FRYL: variants seen among roughly 807,000 people sequenced by gnomAD.
The protein encoded by FRYL is FRY like transcription coactivator.
Under a neutral mutation model 351.2 loss-of-function variants are expected in FRYL, and 150 were observed. That is an observed-to-expected ratio of 0.43 (90% confidence interval 0.37 to 0.49). FRYL has a LOEUF of 0.49. Ranked by LOEUF, FRYL falls within the 20% of genes least tolerant of loss-of-function variation. The pLI is 0.00. For synonymous variants in FRYL, 1,153 were observed against 1,257.1 expected (o/e 0.92, Z 1.75); for missense variants, 3,036 against 3,619.3 (o/e 0.84, Z 4.13).
At chr4:48,660,537 C>T (rs1760483605) in intron 3 of FRYL, among the ~76,000 whole-genome samples, 1 of 152,190 alleles carries the variant, frequency 6.6e-6, no homozygotes, top group African/African-American at 2.4e-5. Flanking sequence ...ACATGAATAG[C>T]TCCAATAAAA....
At chr4:48,774,349 A>C (rs1775805083) in intron 1 of FRYL, among the ~76,000 whole-genome samples, 1 of 152,154 alleles carries the variant, frequency 6.6e-6, no homozygotes, top group African/African-American at 2.4e-5. Flanking sequence ...GTCAAATTCC[A>C]CAGGAACTAC....
At chr4:48,646,805 T>C (rs1756570113) in intron 3 of FRYL, among the ~76,000 whole-genome samples, 1 of 152,050 alleles carries the variant, frequency 6.6e-6, no homozygotes, top group Non-Finnish European at 1.5e-5. Flanking sequence ...AATACCAGCA[T>C]TGTTGGAGGT....
chr4:48,754,459 T>C (rs1022506736), intron 1 of FRYL, among the ~76,000 whole-genome samples: 1 of 152,126 alleles, frequency 6.6e-6, no homozygotes, highest in Non-Finnish European at 1.5e-5. Context: ...CATATACAAG[T>C]GTTTGTTTGA....
At chr4:48,553,486 G>A (rs1011463331) in intron 35 of FRYL, 103 bp from the exon 36 acceptor site, 1 of 729,986 alleles carries the variant, frequency 1.4e-6, no homozygotes, top group African/African-American at 1.8e-5. Context: ...TTAAGTGGTA[G>A]ATGAATAAAC....
chr4:48,551,010 T>G (rs576998042), intron 37 of FRYL, among the ~76,000 whole-genome samples: 13 of 151,822 alleles, frequency 8.6e-5, no homozygotes, highest in African/African-American at 2.7e-4. Context: ...AGGCAGAGGT[T>G]GAGCTGAGAT....
intron 1 of FRYL, among the ~76,000 whole-genome samples, chr4:48,764,695 G>A (rs1217320182): frequency 2.0e-5 from 3 of 152,118 alleles, no homozygotes; most frequent in South Asian, 2.1e-4. Flanking sequence ...GAAAGAAATT[G>A]AAGGTGACAC....
intron 13 of FRYL, chr4:48,598,851 C>T: frequency 1.0e-6 from 1 of 984,964 alleles, no homozygotes; most frequent in African/African-American, 1.7e-5. Flanking sequence ...TATTTGTTTT[C>T]TGATACTGTT....
rs1325534516 is a variant in FRYL at position 48,510,110 on chromosome 4, C to T, written c.8343G>A (p.Glu2781=). 1 of 1,613,622 alleles carries T rather than the reference C, an allele frequency of 6.2e-7. No homozygotes were observed. The highest frequency in any genetic ancestry group is 8.5e-7 in the Non-Finnish European group (1 of 1,179,706). The part of the protein sequence containing the change: ...LLETLKFGVL[E]LQEHLDTYNV... ...TGTATGTATCCAGGTGTTCTTGCAACTCCAAAACACCAAACTTGAGTGTTT... is the reference window on the plus strand; with the variant it reads ...TGTATGTATCCAGGTGTTCTTGCAATTCCAAAACACCAAACTTGAGTGTTT... The change falls in exon 59 of 64, where the codon GAG becomes GAA. Residue 2781 remains glutamate, a synonymous_variant. Coordinates refer to ENST00000358350, the MANE Select transcript of FRYL (RefSeq NM_015030.2).
At chr4:48,506,323 C>T (rs1720911211) in intron 59 of FRYL, 1 of 151,514 alleles carries the variant, frequency 6.6e-6, no homozygotes, top group Non-Finnish European at 1.5e-5. Flanking sequence ...TGCTAGAGGG[C>T]AGGAGTTCAA....
At chr4:48,610,776 CAA>C (rs1747997981) in intron 7 of FRYL, among the ~76,000 whole-genome samples, 2 of 142,552 alleles carry the variant, frequency 1.4e-5, no homozygotes, top group South Asian at 4.4e-4. Flanking sequence ...TATATATGTT[CAA>C]TATATTGTAT....
At position 48,551,515 on chromosome 4, in the gene FRYL, A is replaced by G. The variant is rs1314611507; in HGVS notation, c.4499T>C (p.Ile1500Thr). 5 of 1,608,876 alleles carry G rather than the reference A, an allele frequency of 3.1e-6. No individual in the cohort carries two copies. In the Admixed American group the frequency reaches 5.0e-5, roughly 16 times the overall value. ...TTACCTCTCTTCAATATTCTCTTTA[A>G]TGGGCTTATTATCAGGATTGCCATC... ...PTDGNPDNKP[I>T]KENIEESYVH... The change falls in exon 37 of 64, where the codon ATT becomes ACT. Residue 1500 changes from isoleucine to threonine, a missense_variant. Around this residue, in one of 7 missense-constraint regions of FRYL, gnomAD observed 1,987 missense variants for 2,311.7 expected, o/e 0.86. Transcript: ENST00000358350.
At chr4:48,656,553 T>C (rs991256597) in intron 3 of FRYL, among the ~76,000 whole-genome samples, 2 of 123,902 alleles carry the variant, frequency 1.6e-5, no homozygotes, top group East Asian at 2.3e-4. Context: ...ATAATGTATA[T>C]AGTAATGTAT....
At chr4:48,686,752 T>C (rs1396398729) in intron 2 of FRYL, among the ~76,000 whole-genome samples, 6 of 152,248 alleles carry the variant, frequency 3.9e-5, no homozygotes, top group Admixed American at 1.3e-4. Flanking sequence ...CGCTCAGACA[T>C]AGCAAGTGCT....
chr4:48,636,085 T>G (rs1263619781), intron 3 of FRYL, among the ~76,000 whole-genome samples: 1 of 152,174 alleles, frequency 6.6e-6, no homozygotes, highest in African/African-American at 2.4e-5. Context: ...TTAAAATACA[T>G]TATGTACTGT....
intron 1 of FRYL, among the ~76,000 whole-genome samples, chr4:48,741,638 G>A (rs74614049): frequency 0.052 from 7,920 of 152,186 alleles, 369 homozygotes; most frequent in East Asian, 0.25. Context: ...GGAGGTTGCA[G>A]TGAACCGAAA....
intron 59 of FRYL, among the ~76,000 whole-genome samples, chr4:48,509,658 A>T (rs138421170): frequency 6.6e-6 from 1 of 152,336 alleles, no homozygotes; most frequent in East Asian, 1.9e-4. Flanking sequence ...AATTCACTAC[A>T]TGCTTTTTTC....
chr4:48,674,986 T>C (rs917057079), intron 3 of FRYL, among the ~76,000 whole-genome samples: 3 of 152,238 alleles, frequency 2.0e-5, no homozygotes, highest in Non-Finnish European at 4.4e-5. Flanking sequence ...ATTACGCCAT[T>C]GTCTTTTTGC....
At position 48,582,823 on chromosome 4, in the gene FRYL, T is replaced by C. The variant is rs983531105; in HGVS notation, c.1749-89A>G. On this transcript the variant is annotated intron_variant, in intron 19 of 63. Coordinates refer to ENST00000358350, the MANE Select transcript of FRYL (RefSeq NM_015030.2). ...CTTAAAACTATGACCTTAAAATAAA[T>C]GTCCTCTTAGTTGTTTTGTAAGAAA... The C allele has an allele frequency of 5.7e-5, 48 of 838,462 alleles. No individual in the cohort carries two copies. The African/African-American group carries it at 7.8e-4, about 14-fold the overall frequency. The allele number at this position is 838,462 out of a possible 1,614,324, so 51.9% of individuals were successfully genotyped here. A position where few individuals can be genotyped will look rare whatever the true frequency, so the allele number is the denominator to read the frequency against.
chr4:48,626,766 G>T (rs918705504), intron 4 of FRYL, among the ~76,000 whole-genome samples: 15 of 152,034 alleles, frequency 9.9e-5, no homozygotes, highest in African/African-American at 3.4e-4. Context: ...GATTTATGAA[G>T]CTTCTCTATC....
Sources: allele counts gnomAD v4.1 joint callset (sites outside exome capture counted in the v4.1 genomes callset), GRCh38; gene constraint gnomAD v4.1.1; regional missense constraint gnomAD v4.1.1; transcripts MANE v1.5; gene names NCBI Gene and HGNC (gene_info 2026-07-23, HGNC 2026-07-21).